Variants in DEPTOR observed in about 807,000 individuals in gnomAD.
The protein encoded by DEPTOR is DEP domain containing MTOR interacting protein.
In DEPTOR, 41 loss-of-function variants were observed where a neutral mutation model predicts 41.6. That is an observed-to-expected ratio of 0.98 (90% CI 0.77 to 1.28). The LOEUF is 1.28. Ranked by LOEUF, DEPTOR falls within the 50% of genes most tolerant of loss-of-function variation. The pLI, the probability that DEPTOR is intolerant of heterozygous loss-of-function variation, is 0.00. For missense variants in DEPTOR, 514 were observed against 527.9 expected, an observed-to-expected ratio of 0.97 and a Z score of 0.26; for synonymous variants, 195 against 192.3, an observed-to-expected ratio of 1.01 and a Z score of -0.12.
intron 1 of DEPTOR, among the ~76,000 whole-genome samples, chr8:119,915,729 G>T (rs1827801967): frequency 6.6e-6 from 1 of 152,084 alleles, no homozygotes; most frequent in African/African-American, 2.4e-5. Flanking sequence ...CAGTGATTTT[G>T]GTTATCAGTT....
intron 1 of DEPTOR, among the ~76,000 whole-genome samples, chr8:119,927,352 C>T (rs1035424506): frequency 2.0e-5 from 3 of 151,876 alleles, no homozygotes; most frequent in Admixed American, 6.6e-5. Context: ...GGGAATGTAT[C>T]GATTCATGTA....
chr8:119,971,057 C>T (rs770070761), intron 4 of DEPTOR, among the ~76,000 whole-genome samples: 29 of 151,942 alleles, frequency 1.9e-4, no homozygotes, highest in African/African-American at 6.0e-4. Context: ...GGTGAAACCC[C>T]GTCTCTGCTA....
chr8:119,926,886 C>T (rs903565210), intron 1 of DEPTOR, among the ~76,000 whole-genome samples: 4 of 152,038 alleles, frequency 2.6e-5, no homozygotes, highest in African/African-American at 9.7e-5. Flanking sequence ...ATTTAGCACT[C>T]AGCCAAAGAG....
intron 4 of DEPTOR, among the ~76,000 whole-genome samples, chr8:119,983,525 C>T (rs1019660568): frequency 3.3e-5 from 5 of 152,098 alleles, no homozygotes; most frequent in Non-Finnish European, 7.4e-5. Flanking sequence ...GCTGGGATTA[C>T]AGGTGCCCGC....
chr8:120,019,388 T>C (rs1042050214), intron 8 of DEPTOR, among the ~76,000 whole-genome samples: 1 of 152,172 alleles, frequency 6.6e-6, no homozygotes, highest in Non-Finnish European at 1.5e-5. Flanking sequence ...CTGGTGTCAC[T>C]CTCAATCAGA....
intron 1 of DEPTOR, among the ~76,000 whole-genome samples, chr8:119,876,155 G>A (rs1184305251): frequency 6.6e-6 from 1 of 152,134 alleles, no homozygotes; most frequent in Admixed American, 6.5e-5. Flanking sequence ...CTTCCTTGCA[G>A]TCCCCAGAGC....
chr8:119,949,481 T>C (rs891369110), intron 3 of DEPTOR, among the ~76,000 whole-genome samples: 1 of 152,212 alleles, frequency 6.6e-6, no homozygotes, highest in African/African-American at 2.4e-5. Context: ...CCATTTCAAA[T>C]TCCCACCAAC....
chr8:119,873,985 AGC>A lies in DEPTOR; in HGVS notation c.122+19_122+20del, dbSNP rs1163786987. 1 of 1,612,798 alleles carries A rather than the reference AGC, an allele frequency of 6.2e-7. No homozygotes were observed. The highest frequency in any genetic ancestry group is 8.5e-7 in the Non-Finnish European group (1 of 1,179,480). ...ACAGCTACGGTAAGGCAAGAGACAC[AGC>A]GGGTGAGCTCACGATGGCACTGCCA... On this transcript the variant is annotated intron_variant, in intron 1 of 8. Transcript: ENST00000286234.
intron 1 of DEPTOR, among the ~76,000 whole-genome samples, chr8:119,916,534 G>T (rs1827817876): frequency 6.6e-6 from 1 of 152,160 alleles, no homozygotes; most frequent in Admixed American, 6.5e-5. Context: ...AGCTTTTAAA[G>T]AATTAAAGTT....
chr8:119,981,440 GAGGCC>G (rs1460893943), intron 4 of DEPTOR, among the ~76,000 whole-genome samples: 1 of 150,768 alleles, frequency 6.6e-6, no homozygotes, highest in African/African-American at 2.4e-5. Context: ...GCAATCGTTT[GAGGCC>G]AGGAATTCAA....
At chr8:119,956,080 G>GT (rs1432129597) in intron 3 of DEPTOR, among the ~76,000 whole-genome samples, 5 of 152,108 alleles carry the variant, frequency 3.3e-5, no homozygotes, top group African/African-American at 1.2e-4. Context: ...AGTCATAGAG[G>GT]AGCTGCCCAG....
intron 3 of DEPTOR, among the ~76,000 whole-genome samples, chr8:119,942,387 G>A (rs1338115348): frequency 1.3e-5 from 2 of 152,174 alleles, no homozygotes; most frequent in African/African-American, 4.8e-5. Context: ...TGTATTTTTA[G>A]TAGAGACGGG....
At chr8:120,003,704 G>C (rs1002074963) in intron 6 of DEPTOR, among the ~76,000 whole-genome samples, 1 of 152,148 alleles carries the variant, frequency 6.6e-6, no homozygotes, top group Non-Finnish European at 1.5e-5. Context: ...AATTGACCCT[G>C]GGTGTCTTGT....
In DEPTOR at chr8:119,929,954, A is replaced by T. The variant is rs377225251; in HGVS notation, c.425+16A>T. On this transcript the variant is annotated intron_variant, in intron 3 of 8. Transcript: ENST00000286234. ...TATATGAAAAGTATGTTCCGCATGA[A>T]ATCCCCCCTGTAATCTTGACTTATA... 1 of 1,603,634 alleles carries T rather than the reference A, an allele frequency of 6.2e-7. No individual in the cohort carries two copies. Among genetic ancestry groups the T allele is most frequent in the African/African-American group, 1.3e-5 (1 of 74,698 alleles).
Position 119,988,565 on chromosome 8 carries a change from C to T in DEPTOR, c.605-12960C>T, listed in dbSNP as rs564485316. The stretch of plus-strand genomic sequence containing the variant: ...TGGTGTGATCTTGGTTCACTGTAAC[C>T]TCTGCCTCCTAGGTTCAAGTGATTC... On this transcript the variant is annotated intron_variant, in intron 4 of 8. Coordinates refer to ENST00000286234, the MANE Select transcript of DEPTOR (RefSeq NM_022783.4). Among the ~76,000 whole-genome samples the T allele has an allele frequency of 8.5e-5, 13 of 152,290 alleles. No individual in the cohort carries two copies. The South Asian group carries it at 2.5e-3, about 29-fold the overall frequency.
Position 119,894,412 on chromosome 8 carries a change from T to A in DEPTOR, c.122+20444T>A, listed in dbSNP as rs13253749. On this transcript the variant is annotated intron_variant, in intron 1 of 8. Transcript: ENST00000286234. The stretch of plus-strand genomic sequence containing the variant: ...TATTTATTTATTTATTTATTTATTT[T>A]TTGAGACAGAGTCTCGCTCTGTTGC... 3.3e-3 allele frequency among the ~76,000 whole-genome samples: 497 copies of A among 148,658 alleles called. 9 individuals are homozygous for A. Among genetic ancestry groups the A allele is most frequent in the East Asian group, 8.3e-3 (41 of 4,960 alleles).
At chr8:120,037,985 T>C (rs1813002746) in intron 8 of DEPTOR, among the ~76,000 whole-genome samples, 1 of 152,140 alleles carries the variant, frequency 6.6e-6, no homozygotes, top group Non-Finnish European at 1.5e-5. Flanking sequence ...TAAGAAATTC[T>C]GCTGGGCCCG....
chr8:119,906,631 A>G (rs1337724050), intron 1 of DEPTOR, among the ~76,000 whole-genome samples: 3 of 152,146 alleles, frequency 2.0e-5, no homozygotes, highest in Non-Finnish European at 4.4e-5. Context: ...CTTGTCTAGC[A>G]TTACTAGGCA....
chr8:120,016,762 C>G (rs1182083239), intron 8 of DEPTOR, among the ~76,000 whole-genome samples: 1 of 151,938 alleles, frequency 6.6e-6, no homozygotes, highest in Non-Finnish European at 1.5e-5. Context: ...TGCCACCATG[C>G]CTGGCTAATT....
Sources: gnomAD v4.1 joint callset for allele counts (sites outside exome capture counted in the v4.1 genomes callset) on GRCh38, gnomAD v4.1.1 for gene constraint, MANE v1.5 for transcripts, NCBI Gene and HGNC (gene_info 2026-07-23, HGNC 2026-07-21) for gene names.